The following ANO1 variants were observed in gnomAD, a reference collection of about 807,000 sequenced individuals.
The protein encoded by ANO1 is anoctamin 1, also known as anoctamin-1.
A neutral mutation model predicts 124.0 loss-of-function variants in ANO1; 59 were observed. That is an observed-to-expected ratio of 0.48 (90% confidence interval 0.39 to 0.59). The LOEUF is 0.59. Among genes scored for constraint, ANO1 ranks in the 20% least tolerant of loss-of-function variants. ANO1 has a pLI of 0.00. For missense variants in ANO1, 1,059 were observed against 1,328.0 expected, an observed-to-expected ratio of 0.80 and a Z score of 3.15; for synonymous variants, 529 against 532.0, an observed-to-expected ratio of 0.99 and a Z score of 0.08.
chr11:70,124,035 T>C (rs2135480538), intron 8 of ANO1, among the ~76,000 whole-genome samples: 1 of 152,330 alleles, frequency 6.6e-6, no homozygotes, highest in Non-Finnish European at 1.5e-5. Flanking sequence ...CTCAAAACCC[T>C]GGTGACTTTG....
intron 1 of ANO1, among the ~76,000 whole-genome samples, chr11:70,037,237 A>C (rs1389594433): frequency 2.0e-5 from 3 of 152,092 alleles, no homozygotes; most frequent in Non-Finnish European, 2.9e-5. Context: ...AGGGAAGGAC[A>C]GGTGTGACAG....
chr11:70,099,211 G>A (rs1327282576), intron 2 of ANO1, among the ~76,000 whole-genome samples: 3 of 152,192 alleles, frequency 2.0e-5, no homozygotes, highest in Non-Finnish European at 2.9e-5. Context: ...AAGGGGACAC[G>A]GCTGTCACTC....
At position 70,126,048 on chromosome 11, in the gene ANO1, TC is replaced by T. The variant is rs775914955; in HGVS notation, c.963-9del. ...GACAGTGGGCTTGACTCTGCTCTGC[TC>T]CCCTGGTGTAGGAAGTATTTTGGGG... On this transcript the variant is annotated splice_polypyrimidine_tract_variant and intron_variant, in intron 9 of 25. Transcript: ENST00000355303. 8 of 1,602,858 alleles carry T rather than the reference TC, an allele frequency of 5.0e-6. No homozygotes were observed. The highest frequency in any genetic ancestry group is 6.8e-6 in the Non-Finnish European group (8 of 1,173,916).
chr11:70,111,662 G>A (rs1422988544), intron 6 of ANO1, 45 bp from the exon 7 acceptor site: 9 of 1,599,602 alleles, frequency 5.6e-6, no homozygotes, highest in South Asian at 5.5e-5. Flanking sequence ...TGGGAAGCGG[G>A]AGACCCGCCT....
chr11:70,027,963 T>C (rs1856938409), intron 1 of ANO1, among the ~76,000 whole-genome samples: 1 of 152,224 alleles, frequency 6.6e-6, no homozygotes, highest in South Asian at 2.1e-4. Flanking sequence ...GTCTCTGTGG[T>C]TTTTTGTTGG....
chr11:70,108,942 G>A (rs545584453), intron 6 of ANO1, among the ~76,000 whole-genome samples: 2 of 152,302 alleles, frequency 1.3e-5, no homozygotes, highest in South Asian at 2.1e-4. Flanking sequence ...CCCTTAAGCC[G>A]TAGATACAAA....
At chr11:70,092,232 C>T (rs2044659778) in intron 2 of ANO1, among the ~76,000 whole-genome samples, 1 of 152,200 alleles carries the variant, frequency 6.6e-6, no homozygotes, top group Admixed American at 6.5e-5. Context: ...TTGGGGCCCA[C>T]CCCTACGACT....
chr11:70,089,101 T>C (rs976957942), intron 2 of ANO1, among the ~76,000 whole-genome samples: 1 of 152,168 alleles, frequency 6.6e-6, no homozygotes, highest in Non-Finnish European at 1.5e-5. Flanking sequence ...TCTTAACCTC[T>C]CTGTGCACGG....
At chr11:70,022,588 A>C (rs1263922154) in intron 1 of ANO1, among the ~76,000 whole-genome samples, 7 of 149,244 alleles carry the variant, frequency 4.7e-5, no homozygotes, top group African/African-American at 7.3e-5. Flanking sequence ...CCTTGGCAAC[A>C]GAGTGAGACT....
At chr11:70,144,906 C>T (rs887508637) in intron 11 of ANO1, among the ~76,000 whole-genome samples, 1 of 152,178 alleles carries the variant, frequency 6.6e-6, no homozygotes, top group Non-Finnish European at 1.5e-5. Flanking sequence ...TGGAGTGCGT[C>T]GTCCCTGCGT....
chr11:70,086,421 CT>C (rs956231212), intron 1 of ANO1, among the ~76,000 whole-genome samples: 6 of 152,184 alleles, frequency 3.9e-5, no homozygotes, highest in Non-Finnish European at 8.8e-5. Context: ...CCGTGGCCCC[CT>C]AGAGTCCTTC....
intron 1 of ANO1, among the ~76,000 whole-genome samples, chr11:70,055,055 GT>G (rs376233429): frequency 3.9e-5 from 6 of 152,094 alleles, no homozygotes; most frequent in Non-Finnish European, 1.5e-5. Flanking sequence ...CAAACGCTGA[GT>G]TTTTTTATAG....
upstream of ANO1, among the ~76,000 whole-genome samples, chr11:69,984,626 G>T (rs1554996649): frequency 6.6e-6 from 1 of 152,184 alleles, no homozygotes; most frequent in African/African-American, 2.4e-5. Context: ...AGCAGGCCTG[G>T]TGGGGAGGAG....
chr11:70,063,954 G>A (rs1857656978), intron 1 of ANO1: 1 of 152,106 alleles, frequency 6.6e-6, no homozygotes, highest in Non-Finnish European at 1.5e-5. Context: ...TTCTGGAGTG[G>A]ATTCATGAGT....
At chr11:70,183,538 G>A (rs1046525367) in intron 24 of ANO1, among the ~76,000 whole-genome samples, 4 of 152,218 alleles carry the variant, frequency 2.6e-5, no homozygotes, top group Non-Finnish European at 5.9e-5. Context: ...GAAAACTGGG[G>A]TGCTATGACT....
At chr11:70,050,148 A>G (rs1047307239) in intron 1 of ANO1, among the ~76,000 whole-genome samples, 1 of 152,126 alleles carries the variant, frequency 6.6e-6, no homozygotes. Context: ...TCCTCCTGAC[A>G]TGGTCCCTTC....
chr11:70,142,971 G>T (rs1051433450), intron 11 of ANO1, among the ~76,000 whole-genome samples: 10 of 152,148 alleles, frequency 6.6e-5, no homozygotes, highest in African/African-American at 2.2e-4. Flanking sequence ...TCACCTGGGG[G>T]GTCAGGGCTT....
intron 6 of ANO1, among the ~76,000 whole-genome samples, chr11:70,110,460 A>T (rs1216242606): frequency 6.6e-6 from 1 of 152,138 alleles, no homozygotes; most frequent in Non-Finnish European, 1.5e-5. Flanking sequence ...TGCTGGGATT[A>T]CAGGCGTGAG....
At chr11:70,180,104 G>T in intron 23 of ANO1, 48 bp downstream of exon 23, 1 of 1,564,162 alleles carries the variant, frequency 6.4e-7, no homozygotes, top group Non-Finnish European at 8.8e-7. Context: ...CGGCTGAACT[G>T]CCAGGTGGCC....
Sources: gnomAD v4.1 joint callset for allele counts (sites outside exome capture counted in the v4.1 genomes callset) on GRCh38, gnomAD v4.1.1 for gene constraint, MANE v1.5 for transcripts, NCBI Gene and HGNC (gene_info 2026-07-23, HGNC 2026-07-21) for gene names.